The following GULP1 variants were observed in gnomAD, a reference collection of about 807,000 sequenced individuals.
GULP1 encodes the protein PTB domain-containing engulfment adapter protein 1.
In GULP1, 19 loss-of-function variants were observed where a neutral mutation model predicts 40.9. The ratio of observed to expected loss-of-function variants is 0.46; its 90% CI spans 0.32 to 0.68. The LOEUF is 0.68. Among genes scored for constraint, GULP1 ranks in the 30% least tolerant of loss-of-function variants. GULP1 has a pLI of 0.03. For missense variants in GULP1, 312 were observed against 362.2 expected, an observed-to-expected ratio of 0.86 and a Z score of 1.12; for synonymous variants, 119 against 117.6, an observed-to-expected ratio of 1.01 and a Z score of -0.08.
rs1704334617 is a variant in GULP1 at position 188,595,862 on chromosome 2, A to T, written c.*1851A>T. 2 of 152,280 alleles carry T rather than the reference A, an allele frequency of 1.3e-5. No individual in the cohort carries two copies. The highest frequency in any genetic ancestry group is 1.3e-4 in the Admixed American group (2 of 15,184). 9.4% of individuals were successfully genotyped at this position (152,280 alleles called of 1,614,324 possible). On this transcript the variant is annotated 3_prime_UTR_variant, in exon 12 of 12. Coordinates refer to ENST00000409830, the MANE Select transcript of GULP1 (RefSeq NM_016315.4). Reference sequence around the variant, plus strand: ...CGTTTTTATGAAGATCTGGTTGAAAATTGTATTTCTATGTAAACTCAACGA... The same window carrying T: ...CGTTTTTATGAAGATCTGGTTGAAATTTGTATTTCTATGTAAACTCAACGA...
intron 1 of GULP1, among the ~76,000 whole-genome samples, chr2:188,368,978 T>TATATATATATATATATATATATATA (rs2047233094): frequency 8.0e-6 from 1 of 124,940 alleles, no homozygotes; most frequent in Admixed American, 8.7e-5. Context: ...TATATATATA[T>TATATATATATATATATATATATATA]TTGAGACAGA....
chr2:188,582,625 C>G, intron 9 of GULP1: 2 of 424,490 alleles, frequency 4.7e-6, no homozygotes, highest in Non-Finnish European at 9.8e-6. Flanking sequence ...TAAATTCTGC[C>G]AAAATGTGCT....
At chr2:188,385,585 C>T (rs901641558) in intron 2 of GULP1, among the ~76,000 whole-genome samples, 1 of 152,194 alleles carries the variant, frequency 6.6e-6, no homozygotes, top group Admixed American at 6.5e-5. Flanking sequence ...ATTTTCTTTT[C>T]TATTGCATTG....
intron 4 of GULP1, among the ~76,000 whole-genome samples, chr2:188,520,793 C>G (rs1166249706): frequency 6.6e-6 from 1 of 152,042 alleles, no homozygotes; most frequent in Non-Finnish European, 1.5e-5. Flanking sequence ...ATTCGCTTGC[C>G]CTACCTCTAA....
intron 1 of GULP1, among the ~76,000 whole-genome samples, chr2:188,305,778 G>A (rs35057503): frequency 0.15 from 23,057 of 152,046 alleles, 1,873 homozygotes; most frequent in African/African-American, 0.17. Context: ...TTTTTAAAAA[G>A]ATTTTCAAAA....
chr2:188,397,915 T>C (rs2051515779), intron 2 of GULP1, among the ~76,000 whole-genome samples: 1 of 152,244 alleles, frequency 6.6e-6, no homozygotes, highest in Non-Finnish European at 1.5e-5. Flanking sequence ...TCATCCCATC[T>C]GTAGTGAGTT....
intron 7 of GULP1, among the ~76,000 whole-genome samples, chr2:188,558,973 A>G (rs1430902020): frequency 6.6e-6 from 1 of 152,006 alleles, no homozygotes; most frequent in Non-Finnish European, 1.5e-5. Context: ...AAAAGTTCAG[A>G]AAATGTGCAG....
chr2:188,546,252 CCAA>C (rs1691936098), intron 7 of GULP1, among the ~76,000 whole-genome samples: 2 of 151,734 alleles, frequency 1.3e-5, no homozygotes, highest in Non-Finnish European at 2.9e-5. Context: ...AGAACCTCAC[CCAA>C]CAACAACAGA....
At chr2:188,481,837 G>A (rs1015777437) in intron 3 of GULP1, among the ~76,000 whole-genome samples, 2 of 151,836 alleles carry the variant, frequency 1.3e-5, no homozygotes, top group Non-Finnish European at 2.9e-5. Context: ...CTTGTTTTGT[G>A]TTTTATTGCC....
At chr2:188,491,428 C>T (rs1014346813) in intron 4 of GULP1, 2 of 151,578 alleles carry the variant, frequency 1.3e-5, no homozygotes, top group Non-Finnish European at 2.9e-5. Context: ...TTTTTGTTTT[C>T]TTAACAGAGA....
intron 7 of GULP1, among the ~76,000 whole-genome samples, chr2:188,558,166 C>A (rs543632550): frequency 6.6e-6 from 1 of 151,786 alleles, no homozygotes; most frequent in Admixed American, 6.5e-5. Context: ...GCCAGTGATA[C>A]GGTTTGGCTC....
chr2:188,535,398 G>A (rs936188780), intron 6 of GULP1, among the ~76,000 whole-genome samples: 15 of 151,954 alleles, frequency 9.9e-5, no homozygotes, highest in Admixed American at 5.2e-4. Context: ...TTATGTCCAC[G>A]AGTACCCAAT....
At chr2:188,567,457 C>T (rs1483202913) in intron 7 of GULP1, among the ~76,000 whole-genome samples, 1 of 152,140 alleles carries the variant, frequency 6.6e-6, no homozygotes, top group African/African-American at 2.4e-5. Context: ...ACTCTGCAGC[C>T]ATAAAAAGGA....
At position 188,420,525 on chromosome 2, in the gene GULP1, C is replaced by T. The variant is rs78286181; in HGVS notation, c.-45+36636C>T. Reference sequence around the variant, plus strand: ...CAGGAGCATTACAGCTCTTTCACTCCGACAGTTCAGCAAGTTCTGAGTTCT... The same window carrying T: ...CAGGAGCATTACAGCTCTTTCACTCTGACAGTTCAGCAAGTTCTGAGTTCT... On this transcript the variant is annotated intron_variant, in intron 2 of 11. Transcript: ENST00000409830. Among the ~76,000 whole-genome samples, 356 of 152,204 alleles carry T rather than the reference C, an allele frequency of 2.3e-3. 1 individual carries two copies. Among genetic ancestry groups the T allele is most frequent in the East Asian group, 0.02 (104 of 5,176 alleles).
In GULP1 at chr2:188,514,077, G is replaced by GTGTGTGTGTGTGTGTA. The variant is rs1221246994; in HGVS notation, c.91-8673_91-8672insTGTGTGTGTATGTGTG. On this transcript the variant is annotated intron_variant, in intron 4 of 11. Coordinates refer to ENST00000409830, the MANE Select transcript of GULP1 (RefSeq NM_016315.4). ...TGTGTGTGTGTGTGTGTGTGTGTGT[G>GTGTGTGTGTGTGTGTA]TGTGTGCGCCCTGCCACTGGGTGGC... Among the ~76,000 whole-genome samples, 36 of 150,136 alleles carry GTGTGTGTGTGTGTGTA rather than the reference G, an allele frequency of 2.4e-4. 2 individuals are homozygous for GTGTGTGTGTGTGTGTA. In the East Asian group the frequency reaches 6.7e-3, roughly 28 times the overall value.
intron 4 of GULP1, among the ~76,000 whole-genome samples, chr2:188,504,951 G>GTT (rs529457630): frequency 2.6e-4 from 37 of 141,024 alleles, no homozygotes; most frequent in African/African-American, 8.8e-4. Context: ...TTGCTTTGTT[G>GTT]TTTTTTTTTT....
chr2:188,520,753 G>A (rs1166140122), intron 4 of GULP1, among the ~76,000 whole-genome samples: 2 of 152,044 alleles, frequency 1.3e-5, no homozygotes, highest in African/African-American at 2.4e-5. Context: ...TTTGGTACAA[G>A]GAGTCACTTG....
At chr2:188,475,914 G>C (rs2060973101) in intron 2 of GULP1, among the ~76,000 whole-genome samples, 1 of 152,100 alleles carries the variant, frequency 6.6e-6, no homozygotes, top group Admixed American at 6.6e-5. Context: ...AATTGAAAAT[G>C]CATAATTTCT....
intron 1 of GULP1, among the ~76,000 whole-genome samples, chr2:188,352,213 A>G (rs1188297809): frequency 2.0e-5 from 3 of 152,130 alleles, no homozygotes; most frequent in Non-Finnish European, 4.4e-5. Context: ...AGACATTTGA[A>G]TTGAATAAAG....
Sources: gnomAD v4.1 joint callset for allele counts (sites outside exome capture counted in the v4.1 genomes callset) on GRCh38, gnomAD v4.1.1 for gene constraint, MANE v1.5 for transcripts, NCBI Gene and HGNC (gene_info 2026-07-23, HGNC 2026-07-21) for gene names.